The following PRKN variants were observed in gnomAD, a reference collection of about 807,000 sequenced individuals.
PRKN encodes E3 ubiquitin-protein ligase parkin.
In PRKN, 56 loss-of-function variants were observed where a neutral mutation model predicts 59.5. That is an observed-to-expected ratio of 0.94 (90% CI 0.76 to 1.18). The LOEUF (loss-of-function observed/expected upper bound fraction) is 1.18. PRKN is among the 50% of genes most tolerant of loss of function. PRKN has a pLI of 0.00. For missense variants in PRKN, 657 were observed against 596.4 expected (o/e 1.10, Z -1.06); for synonymous variants, 250 against 222.1 (o/e 1.13, Z -1.12).
At chr6:162,388,288 C>T (rs1184215160) in intron 2 of PRKN, among the ~76,000 whole-genome samples, 2 of 152,112 alleles carry the variant, frequency 1.3e-5, no homozygotes, top group Non-Finnish European at 2.9e-5. Context: ...GGCCCAGGTC[C>T]AGCTTCCCAA....
chr6:161,726,679 A>G (rs1787453357), intron 7 of PRKN, among the ~76,000 whole-genome samples: 1 of 152,206 alleles, frequency 6.6e-6, no homozygotes, highest in African/African-American at 2.4e-5. Context: ...AAAAACCATG[A>G]CATACAAATT....
In PRKN at chr6:161,533,940, C is replaced by A. The variant is rs148304283; in HGVS notation, c.1083+14914G>T. ...AAGGTAGGAAGGCTGTATATTCACA[C>A]GACACTCGCCGTCACAGTGGTCTCT... On this transcript the variant is annotated intron_variant, in intron 9 of 11. Coordinates refer to ENST00000366898, the MANE Select transcript of PRKN (RefSeq NM_004562.3). This position sits in a 1 kb window ranked among gnomAD's most constrained non-coding sequence, Gnocchi z 4.1. Among the ~76,000 whole-genome samples the A allele has an allele frequency of 1.3e-5, 2 of 152,218 alleles. No individual in the cohort carries two copies. The highest frequency in any genetic ancestry group is 1.3e-4 in the Admixed American group (2 of 15,292).
At chr6:162,491,473 T>G (rs537763512) in intron 1 of PRKN, among the ~76,000 whole-genome samples, 33 of 152,306 alleles carry the variant, frequency 2.2e-4, no homozygotes, top group Non-Finnish European at 4.4e-4. Flanking sequence ...CAACCTTTAG[T>G]CCACCTTCAT....
At chr6:162,636,611 A>G (rs1407761272) in intron 1 of PRKN, among the ~76,000 whole-genome samples, 1 of 152,226 alleles carries the variant, frequency 6.6e-6, no homozygotes, top group Non-Finnish European at 1.5e-5. Flanking sequence ...ATTAACAACC[A>G]AGAGACAGTG....
At chr6:162,727,358 G>A in intron 1 of PRKN, 1 of 441,134 alleles carries the variant, frequency 2.3e-6, no homozygotes. Context: ...GACCCCACAC[G>A]GTCCGGGGGA....
At chr6:162,487,048 C>T (rs1478283661) in intron 1 of PRKN, among the ~76,000 whole-genome samples, 1 of 150,544 alleles carries the variant, frequency 6.6e-6, no homozygotes, top group African/African-American at 2.5e-5. Flanking sequence ...CCAGCCTGGG[C>T]AATAGAGTGA....
At chr6:162,645,508 G>T (rs185990583) in intron 1 of PRKN, among the ~76,000 whole-genome samples, 1 of 152,086 alleles carries the variant, frequency 6.6e-6, no homozygotes, top group Non-Finnish European at 1.5e-5. Flanking sequence ...TTCATAGCAT[G>T]GAAAAAACAA....
intron 10 of PRKN, among the ~76,000 whole-genome samples, chr6:161,382,111 C>CAAAAAAA (rs59174358): frequency 0.062 from 2,849 of 46,068 alleles, 143 homozygotes; most frequent in South Asian, 0.14. Flanking sequence ...GACTCCATCT[C>CAAAAAAA]AAAAAAAAAA....
chr6:161,506,492 C>A (rs9456679), intron 9 of PRKN, among the ~76,000 whole-genome samples: 115,638 of 152,168 alleles, frequency 0.76, 44,206 homozygotes, highest in Middle Eastern at 0.85. Context: ...TTTGACTTCC[C>A]AACTTTCATT....
chr6:162,153,836 C>T (rs1175542366), intron 4 of PRKN, among the ~76,000 whole-genome samples: 1 of 152,122 alleles, frequency 6.6e-6, no homozygotes, highest in Non-Finnish European at 1.5e-5. Flanking sequence ...GCCATTTCCC[C>T]TCTCTACCAG....
chr6:161,868,574 CTG>C (rs1794218051), intron 6 of PRKN, among the ~76,000 whole-genome samples: 1 of 151,940 alleles, frequency 6.6e-6, no homozygotes, highest in African/African-American at 2.4e-5. Flanking sequence ...GAGTGAGACT[CTG>C]TCTCTAAAAC....
At chr6:161,866,416 A>C (rs1057361903) in intron 6 of PRKN, among the ~76,000 whole-genome samples, 17 of 152,100 alleles carry the variant, frequency 1.1e-4, no homozygotes, top group Non-Finnish European at 2.1e-4. Flanking sequence ...TCTACTAAAA[A>C]TACAAAAAAT....
chr6:161,602,957 T>G (rs971759933), intron 7 of PRKN, among the ~76,000 whole-genome samples: 9 of 152,162 alleles, frequency 5.9e-5, no homozygotes, highest in Admixed American at 5.9e-4. Context: ...AAGACTTCTG[T>G]TTTTATAAAG....
At chr6:162,696,098 C>G (rs1298708717) in intron 1 of PRKN, among the ~76,000 whole-genome samples, 1 of 151,692 alleles carries the variant, frequency 6.6e-6, no homozygotes, top group Admixed American at 6.6e-5. Context: ...AAATTGGTAA[C>G]AGGAAACATA....
chr6:161,945,033 T>C (rs1041785360), intron 6 of PRKN, among the ~76,000 whole-genome samples: 8 of 152,196 alleles, frequency 5.3e-5, no homozygotes, highest in African/African-American at 1.4e-4. Context: ...GTATTGTCAG[T>C]GTAATCTATT....
In PRKN at chr6:161,444,909, T is replaced by TA. The variant is rs140158841; in HGVS notation, c.1084-58033dup. ...AAGGTATGTAATAGTTATTTATTTT[T>TA]AAAAAAAGCCAGTACCTCTCCAGTC... is the stretch of plus-strand genomic sequence containing the variant. On this transcript the variant is annotated intron_variant, in intron 9 of 11. Coordinates refer to ENST00000366898, the MANE Select transcript of PRKN (RefSeq NM_004562.3). The surrounding 1 kb of genome is among the most constrained non-coding windows in gnomAD (Gnocchi z 5.6). Among the ~76,000 whole-genome samples the TA allele has an allele frequency of 0.013, 2,040 of 152,288 alleles. 52 individuals carry two copies. Among genetic ancestry groups the TA allele is most frequent in the East Asian group, 0.11 (553 of 5,180 alleles).
chr6:161,971,161 T>C (rs1780791098), intron 6 of PRKN, among the ~76,000 whole-genome samples: 1 of 152,140 alleles, frequency 6.6e-6, no homozygotes, highest in Non-Finnish European at 1.5e-5. Flanking sequence ...AAAATTAATG[T>C]GACAATATTA....
intron 3 of PRKN, among the ~76,000 whole-genome samples, chr6:162,206,660 T>A (rs1005132716): frequency 5.3e-5 from 8 of 152,114 alleles, no homozygotes; most frequent in Non-Finnish European, 1.2e-4. Flanking sequence ...AGCCCTGGAT[T>A]CTCCTGTGGA....
chr6:162,503,435 A>G (rs150562027), intron 1 of PRKN, among the ~76,000 whole-genome samples: 3,660 of 152,156 alleles, frequency 0.024, 88 homozygotes, highest in Admixed American at 0.059. Context: ...GAGTGCCGGG[A>G]TTACAGGCAT....
Sources: gnomAD v4.1 joint callset for allele counts (sites outside exome capture counted in the v4.1 genomes callset) on GRCh38, gnomAD v4.1.1 for gene constraint, Gnocchi (gnomAD v3.1) non-coding constraint, MANE v1.5 for transcripts, NCBI Gene and HGNC (gene_info 2026-07-23, HGNC 2026-07-21) for gene names.